Variants in ARHGAP21 observed in about 807,000 individuals in gnomAD.
ARHGAP21 encodes rho GTPase-activating protein 21.
In ARHGAP21, 38 loss-of-function variants were observed where a neutral mutation model predicts 164.6. The ratio of observed to expected loss-of-function variants is 0.23; its 90% confidence interval spans 0.18 to 0.30. The LOEUF (loss-of-function observed/expected upper bound fraction) is 0.30, where lower values mean the gene tolerates loss of function less well. ARHGAP21 is among the 10% of genes least tolerant of loss of function. ARHGAP21 has a pLI of 1.00. For missense variants in ARHGAP21, 1,822 were observed against 2,370.7 expected (o/e 0.77, Z 4.81); for synonymous variants, 766 against 857.9 (o/e 0.89, Z 1.87).
At chr10:24,637,675 G>A (rs1019989518) in intron 4 of ARHGAP21, among the ~76,000 whole-genome samples, 17 of 152,134 alleles carry the variant, frequency 1.1e-4, no homozygotes, top group African/African-American at 3.9e-4. Context: ...ATAATGTGGT[G>A]TTAATTCTAC....
intron 2 of ARHGAP21, among the ~76,000 whole-genome samples, chr10:24,708,368 C>T (rs1480789546): frequency 6.6e-6 from 1 of 152,176 alleles, no homozygotes; most frequent in Non-Finnish European, 1.5e-5. Flanking sequence ...GCTAGACCAA[C>T]CAAAATTCTT....
intron 2 of ARHGAP21, among the ~76,000 whole-genome samples, chr10:24,689,147 T>C (rs922955655): frequency 1.3e-5 from 2 of 152,164 alleles, no homozygotes; most frequent in African/African-American, 4.8e-5. Context: ...GGTGGCCTCA[T>C]AGCTAATTAG....
At chr10:24,642,255 C>G (rs1186185431) in intron 4 of ARHGAP21, among the ~76,000 whole-genome samples, 1 of 152,018 alleles carries the variant, frequency 6.6e-6, no homozygotes, top group Non-Finnish European at 1.5e-5. Context: ...GGGGCTCACG[C>G]CTGTAATCCC....
intron 24 of ARHGAP21, chr10:24,590,938 A>AT (rs1436606929): frequency 1.2e-5 from 11 of 897,242 alleles, no homozygotes; most frequent in African/African-American, 5.5e-5. Context: ...GAAACTGTGA[A>AT]TTAAAAAAAA....
rs776789568 is a variant in ARHGAP21, at chr10:24,596,782, G to C, written c.3435C>G (p.Phe1145Leu). The C allele has an allele frequency of 6.2e-7, 1 of 1,612,748 alleles. No individual in the cohort carries two copies. Among genetic ancestry groups the C allele is most frequent in the Non-Finnish European group, 8.5e-7 (1 of 1,179,650 alleles). Residue 1145 changes from phenylalanine (F) to leucine (L), a missense_variant, in exon 17 of 26, where the codon TTC (phenylalanine) becomes TTG (leucine). Coordinates refer to ENST00000396432, the MANE Select transcript of ARHGAP21 (RefSeq NM_020824.4). Reference sequence around the variant, plus strand: ...GTGGGCAGTCATCTAGTCGGACGCCGAAAGTTCCTGTAGCAGTTGGCTTTT... The same window carrying C: ...GTGGGCAGTCATCTAGTCGGACGCCCAAAGTTCCTGTAGCAGTTGGCTTTT... ...FEKKPTATGT[F>L]GVRLDDCPPA...
At chr10:24,610,055 A>C (rs1284634791) in intron 9 of ARHGAP21, among the ~76,000 whole-genome samples, 4 of 152,244 alleles carry the variant, frequency 2.6e-5, no homozygotes, top group African/African-American at 9.6e-5. Flanking sequence ...CATTCGTGTT[A>C]AACTACGTAA....
At chr10:24,622,395 A>G (rs1316616085) in intron 8 of ARHGAP21, among the ~76,000 whole-genome samples, 2 of 146,776 alleles carry the variant, frequency 1.4e-5, no homozygotes, top group East Asian at 4.0e-4. Context: ...GTAACAGCAA[A>G]GTAGTAGTGA....
intron 9 of ARHGAP21, among the ~76,000 whole-genome samples, chr10:24,615,979 T>C (rs1010018722): frequency 1.3e-5 from 2 of 152,116 alleles, no homozygotes; most frequent in African/African-American, 4.8e-5. Flanking sequence ...AGTTTCACTG[T>C]GTTGGCCAGG....
At chr10:24,632,029 C>T (rs758496565) in intron 6 of ARHGAP21, among the ~76,000 whole-genome samples, 1 of 152,148 alleles carries the variant, frequency 6.6e-6, no homozygotes, top group Non-Finnish European at 1.5e-5. Context: ...CCCACAAGGA[C>T]ACATGTTATA....
chr10:24,700,244 T>A (rs556381242), intron 2 of ARHGAP21, among the ~76,000 whole-genome samples: 2 of 152,222 alleles, frequency 1.3e-5, no homozygotes, highest in African/African-American at 2.4e-5. Context: ...TCATCCCATA[T>A]GCACCCTGCC....
At chr10:24,613,725 G>T (rs2077361922) in intron 9 of ARHGAP21, among the ~76,000 whole-genome samples, 1 of 152,226 alleles carries the variant, frequency 6.6e-6, no homozygotes, top group African/African-American at 2.4e-5. Context: ...GTAGGTATTT[G>T]AAAGGGAGGT....
intron 2 of ARHGAP21, among the ~76,000 whole-genome samples, chr10:24,707,993 AG>A (rs1333661778): frequency 6.6e-6 from 1 of 152,220 alleles, no homozygotes; most frequent in Non-Finnish European, 1.5e-5. Context: ...GTGTTTCCCA[AG>A]TATGTTCCTA....
At chr10:24,667,061 T>C (rs1840266393) in intron 3 of ARHGAP21, 52 bp from the exon 4 acceptor site, 2 of 1,024,726 alleles carry the variant, frequency 2.0e-6, no homozygotes, top group Admixed American at 2.9e-5. Flanking sequence ...TATAAACTCT[T>C]GTTAATCACA....
chr10:24,605,260 G>A (rs2076974257), intron 11 of ARHGAP21, among the ~76,000 whole-genome samples: 1 of 152,184 alleles, frequency 6.6e-6, no homozygotes, highest in African/African-American at 2.4e-5. Context: ...CTGAGAGATT[G>A]AAACCAACCC....
At chr10:24,667,124 C>T in intron 3 of ARHGAP21, 115 bp from the exon 4 acceptor site, 1 of 528,836 alleles carries the variant, frequency 1.9e-6, no homozygotes, top group Middle Eastern at 2.9e-4. Flanking sequence ...CAATTACAAT[C>T]TCACTAACAA....
rs1450362492 is a variant in ARHGAP21 at position 24,635,067 on chromosome 10, A to C, written c.305T>G (p.Ile102Arg). 6.2e-7 allele frequency: 1 copy of C among 1,602,858 alleles called. No individual in the cohort carries two copies. The highest frequency in any genetic ancestry group is 8.5e-7 in the Non-Finnish European group (1 of 1,175,624). Residue 102 changes from isoleucine (I) to arginine (R), a missense_variant, in exon 5 of 26, where the codon ATA becomes AGA. Physicochemically the swap from Ile to Arg is moderately conservative, Grantham distance 97. Around this residue, in one of 5 missense-constraint regions of ARHGAP21, gnomAD observed 1,090 missense variants for 1,378.9 expected, o/e 0.79. Coordinates refer to ENST00000396432, the MANE Select transcript of ARHGAP21 (RefSeq NM_020824.4). ...TCCTTCTTTAACTTGCTTAACAAATATGGTATCCATTGGTTCCAAGCGGTT... is the reference window on the plus strand; with the variant it reads ...TCCTTCTTTAACTTGCTTAACAAATCTGGTATCCATTGGTTCCAAGCGGTT... ...QRNRLEPMDTIFVKQVKEGGP... is the reference protein window; with the variant it reads ...QRNRLEPMDTRFVKQVKEGGP...
chr10:24,593,235 T>G (rs1050131339), intron 21 of ARHGAP21, among the ~76,000 whole-genome samples: 8 of 152,180 alleles, frequency 5.3e-5, no homozygotes, highest in African/African-American at 1.7e-4. Context: ...GAAGTCAGGA[T>G]TCTTCTAGAG....
At chr10:24,668,198 G>A (rs1840375004) in intron 3 of ARHGAP21, among the ~76,000 whole-genome samples, 1 of 152,186 alleles carries the variant, frequency 6.6e-6, no homozygotes, top group African/African-American at 2.4e-5. Flanking sequence ...TGATGCCAAT[G>A]ACCATGCTGT....
Position 24,717,631 on chromosome 10 carries a change from A to G in ARHGAP21, c.63+4206T>C, listed in dbSNP as rs1306106516. 2.0e-5 allele frequency among the ~76,000 whole-genome samples: 3 copies of G among 152,206 alleles called. No homozygotes were observed. The East Asian group carries it at 5.8e-4, about 29-fold the overall frequency. ...AAAGGACCTGACAGGAGTTCAATCT[A>G]GGAAGAACAAAAAGAAGTAACAAGT... On this transcript the variant is annotated intron_variant, in intron 2 of 25. Coordinates refer to ENST00000396432, the MANE Select transcript of ARHGAP21 (RefSeq NM_020824.4).
Sources: gnomAD v4.1 joint callset for allele counts (sites outside exome capture counted in the v4.1 genomes callset) on GRCh38, gnomAD v4.1.1 for gene constraint, gnomAD v4.1.1 regional missense constraint, MANE v1.5 for transcripts, NCBI Gene and HGNC (gene_info 2026-07-23, HGNC 2026-07-21) for gene names.